The following PKD2 variants were observed in gnomAD, a reference collection of about 807,000 sequenced individuals.
PKD2 encodes the protein polycystin-2.
Under a neutral mutation model 105.9 loss-of-function variants are expected in PKD2, and 48 were observed. That is an observed-to-expected ratio of 0.45 (90% CI 0.36 to 0.58). PKD2 has a LOEUF of 0.58. Ranked by LOEUF, PKD2 falls within the 20% of genes least tolerant of loss-of-function variation. The pLI is 0.00. For synonymous variants in PKD2, 464 were observed against 481.1 expected, an observed-to-expected ratio of 0.96 and a Z score of 0.46; for missense variants, 1,078 against 1,255.3, an observed-to-expected ratio of 0.86 and a Z score of 2.13.
chr4:88,039,366 A>G (rs1727466986), intron 4 of PKD2, among the ~76,000 whole-genome samples: 1 of 152,268 alleles, frequency 6.6e-6, no homozygotes, highest in Middle Eastern at 3.4e-3. Flanking sequence ...ATAAGAAACA[A>G]ATTTAGTAAA....
At chr4:88,027,768 C>G (rs1365979081) in intron 2 of PKD2, among the ~76,000 whole-genome samples, 2 of 152,178 alleles carry the variant, frequency 1.3e-5, no homozygotes, top group African/African-American at 4.8e-5. Flanking sequence ...GCAGTTTCCC[C>G]CATGCTGTTT....
chr4:88,033,358 T>C (rs911705903), intron 2 of PKD2, among the ~76,000 whole-genome samples: 2 of 151,798 alleles, frequency 1.3e-5, no homozygotes, highest in Non-Finnish European at 2.9e-5. Context: ...GCCCATGAGA[T>C]TGAAGCTGCA....
chr4:88,069,777 TC>T (rs1298516103), intron 13 of PKD2, among the ~76,000 whole-genome samples: 5 of 152,170 alleles, frequency 3.3e-5, no homozygotes, highest in Admixed American at 2.6e-4. Flanking sequence ...CTAATTCTCT[TC>T]TTTTGCTCCT....
rs768360131 is a variant in PKD2 at position 88,065,444 on chromosome 4, G to A, written c.2189G>A (p.Arg730Gln). 33 of 1,613,112 alleles carry A rather than the reference G, an allele frequency of 2.0e-5. No homozygotes were observed. Among genetic ancestry groups the A allele is most frequent in the South Asian group, 5.5e-5 (5 of 91,034 alleles). Residue 730 changes from arginine (R) to glutamine (Q), a missense_variant, in exon 11 of 15, where the codon CGG (arginine) becomes CAG (glutamine). Arg to Gln is a conservative substitution (Grantham distance 43). Coordinates refer to ENST00000237596, the MANE Select transcript of PKD2 (RefSeq NM_000297.4). ...NTVDDISESL[R>Q]QGGGKLNFDE... is the part of the protein sequence containing the mutation. ...GTGGATGACATTTCAGAGAGTCTGC[G>A]GCAAGGAGGAGGCAAGTTAAACTTT... is the stretch of plus-strand genomic sequence containing the variant.
Position 88,075,567 on chromosome 4 carries a change from A to C in PKD2, c.2780A>C (p.His927Pro), listed in dbSNP as rs374072424. ...GATGATGCAGCTTCCCAGATCAGTCATGGTTTAGGCACGCCAGTGGGACTA... is the reference window on the plus strand; with the variant it reads ...GATGATGCAGCTTCCCAGATCAGTCCTGGTTTAGGCACGCCAGTGGGACTA... The part of the protein sequence containing the change: ...ESDDAASQIS[H>P]GLGTPVGLNG... The change falls in exon 15 of 15, where the codon CAT becomes CCT. Residue 927 changes from histidine to proline, a missense_variant. Physicochemically the swap from His to Pro is moderately conservative, Grantham distance 77. This residue lies in a region of PKD2 where 868 missense variants were observed against 1,067.3 expected (regional missense o/e 0.81). Coordinates refer to ENST00000237596, the MANE Select transcript of PKD2 (RefSeq NM_000297.4). The C allele has an allele frequency of 5.0e-6, 8 of 1,614,156 alleles. No homozygotes were observed. Among genetic ancestry groups the C allele is most frequent in the Non-Finnish European group, 5.1e-6 (6 of 1,180,010 alleles).
chr4:88,061,838 T>G lies in PKD2; in HGVS notation c.2020-68T>G, dbSNP rs79484899. 481 of 813,500 alleles carry G rather than the reference T, an allele frequency of 5.9e-4. 1 individual carries two copies. The African/African-American group carries it at 7.1e-3, about 12-fold the overall frequency. The allele number at this position is 813,500 out of a possible 1,614,324, so 50.4% of individuals were successfully genotyped here. A position where few individuals can be genotyped will look rare whatever the true frequency, so the allele number is the denominator to read the frequency against. On this transcript the variant is annotated intron_variant, in intron 9 of 14. Transcript: ENST00000237596. ...GGATAAACAAAAAGGCATGTGTCAT[T>G]TTTTTGATTGATAATTCCAAATTAT... is the stretch of plus-strand genomic sequence containing the variant.
At chr4:88,065,353 T>C (rs768449952) in intron 10 of PKD2, 21 bp from the exon 11 acceptor site, 7 of 1,608,608 alleles carry the variant, frequency 4.4e-6, no homozygotes, top group South Asian at 1.1e-5. Flanking sequence ...CCAAGTCTTT[T>C]ATTTTTTCTC....
intron 3 of PKD2, among the ~76,000 whole-genome samples, chr4:88,036,985 T>C (rs933402789): frequency 1.3e-5 from 2 of 152,180 alleles, no homozygotes; most frequent in Non-Finnish European, 2.9e-5. Flanking sequence ...TCCCAGCACT[T>C]TGGGAGGCCA....
chr4:88,038,828 T>C (rs1727440121), intron 4 of PKD2, among the ~76,000 whole-genome samples: 2 of 152,334 alleles, frequency 1.3e-5, no homozygotes, highest in South Asian at 4.1e-4. Flanking sequence ...AGTAACATCA[T>C]CCACTAAGTT....
chr4:88,038,100 C>A, intron 3 of PKD2, 151 bp from the exon 4 acceptor site: 1 of 850,930 alleles, frequency 1.2e-6, no homozygotes, highest in Non-Finnish European at 1.9e-6. Context: ...GGGCAAGATG[C>A]TATCCCAAAT....
At chr4:88,069,460 A>C (rs1304203118) in intron 13 of PKD2, among the ~76,000 whole-genome samples, 2 of 152,004 alleles carry the variant, frequency 1.3e-5, no homozygotes, top group Non-Finnish European at 2.9e-5. Context: ...GAGTTGCTCT[A>C]AGACTTAGTT....
At chr4:88,047,407 T>A (rs1727818335) in intron 6 of PKD2, among the ~76,000 whole-genome samples, 1 of 149,896 alleles carries the variant, frequency 6.7e-6, no homozygotes, top group African/African-American at 2.5e-5. Context: ...AAAAAAAAAA[T>A]TTAATTAGTC....
chr4:88,011,903 GGGGA>G (rs1222244159), intron 1 of PKD2, among the ~76,000 whole-genome samples: 157 of 140,186 alleles, frequency 1.1e-3, no homozygotes, highest in African/African-American at 3.9e-3. Flanking sequence ...TGGGGGGGGG[GGGGA>G]GGGGCAGTTT....
chr4:88,049,612 A>G (rs926830596), intron 6 of PKD2, among the ~76,000 whole-genome samples: 3 of 152,142 alleles, frequency 2.0e-5, no homozygotes, highest in African/African-American at 7.2e-5. Context: ...AAGTGAGGGC[A>G]TGCCTTCTGC....
intron 7 of PKD2, among the ~76,000 whole-genome samples, chr4:88,053,701 G>T (rs1720201367): frequency 6.6e-6 from 1 of 151,350 alleles, no homozygotes; most frequent in South Asian, 2.1e-4. Flanking sequence ...TATTTCTCAT[G>T]CTATTTATTT....
chr4:88,054,425 T>C (rs1260575417), intron 7 of PKD2, among the ~76,000 whole-genome samples: 1 of 150,436 alleles, frequency 6.6e-6, no homozygotes, highest in African/African-American at 2.4e-5. Flanking sequence ...AGATCTCAAA[T>C]GAATTGGGAT....
chr4:88,054,757 C>T (rs1394403511), intron 7 of PKD2, among the ~76,000 whole-genome samples: 2 of 151,304 alleles, frequency 1.3e-5, no homozygotes, highest in Admixed American at 6.6e-5. Flanking sequence ...TGGGTTCACG[C>T]CATTCTCCTG....
chr4:88,027,713 A>G (rs1320224614), intron 2 of PKD2, among the ~76,000 whole-genome samples: 1 of 152,176 alleles, frequency 6.6e-6, no homozygotes, highest in African/African-American at 2.4e-5. Context: ...TGTAATCCCC[A>G]TGTGTCAAGG....
At chr4:88,028,286 G>C (rs1244177126) in intron 2 of PKD2, among the ~76,000 whole-genome samples, 1 of 152,230 alleles carries the variant, frequency 6.6e-6, no homozygotes, top group Non-Finnish European at 1.5e-5. Flanking sequence ...AATCCATGAA[G>C]ATCGAGTTGA....
Sources: allele counts gnomAD v4.1 joint callset (sites outside exome capture counted in the v4.1 genomes callset), GRCh38; gene constraint gnomAD v4.1.1; regional missense constraint gnomAD v4.1.1; transcripts MANE v1.5; gene names NCBI Gene and HGNC (gene_info 2026-07-23, HGNC 2026-07-21).